The following PRICKLE2 variants were observed in gnomAD, a reference collection of about 807,000 sequenced individuals.
PRICKLE2 encodes the protein prickle-like protein 2.
Under a neutral mutation model 81.4 loss-of-function variants are expected in PRICKLE2, and 21 were observed. That is an observed-to-expected ratio of 0.26 (90% CI 0.18 to 0.37). The LOEUF is 0.37. Among genes scored for constraint, PRICKLE2 ranks in the 10% least tolerant of loss-of-function variants. PRICKLE2 has a pLI of 1.00. For missense variants in PRICKLE2, 940 were observed against 1,109.0 expected (o/e 0.85, Z 2.16); for synonymous variants, 456 against 421.5 (o/e 1.08, Z -1.00).
chr3:64,149,747 C>T (rs1416815151), intron 6 of PRICKLE2, among the ~76,000 whole-genome samples: 1 of 152,184 alleles, frequency 6.6e-6, no homozygotes, highest in African/African-American at 2.4e-5. Flanking sequence ...GCCTACCTTT[C>T]TCCTCCCTGA....
In PRICKLE2 at chr3:64,244,899, A is replaced by T. The variant is rs116720653; in HGVS notation, c.129-45932T>A. 1.4e-3 allele frequency among the ~76,000 whole-genome samples: 216 copies of T among 152,296 alleles called. 1 individual carries two copies. Among genetic ancestry groups the T allele is most frequent in the African/African-American group, 4.9e-3 (205 of 41,554 alleles). On this transcript the variant is annotated intron_variant, in intron 2 of 8. Coordinates refer to the PRICKLE2 transcript ENST00000295902. Reference sequence around the variant, plus strand: ...TGGTTCTCAACCAGTATGTCATAGCACACATGAATATACCCCGAATATTTC... The same window carrying T: ...TGGTTCTCAACCAGTATGTCATAGCTCACATGAATATACCCCGAATATTTC...
chr3:64,223,034 G>A (rs1468546499), intron 1 of PRICKLE2, among the ~76,000 whole-genome samples: 2 of 152,124 alleles, frequency 1.3e-5, no homozygotes, highest in Non-Finnish European at 2.9e-5. Flanking sequence ...CAATCAATAG[G>A]GTGGAAAGTT....
chr3:64,257,926 C>T (rs1196830980), intron 2 of PRICKLE2, among the ~76,000 whole-genome samples: 1 of 152,014 alleles, frequency 6.6e-6, no homozygotes, highest in Non-Finnish European at 1.5e-5. Flanking sequence ...AAAAGAGACC[C>T]CAAAGTGCTA....
chr3:64,247,223 T>C (rs2079371315), intron 2 of PRICKLE2, among the ~76,000 whole-genome samples: 1 of 152,128 alleles, frequency 6.6e-6, no homozygotes, highest in African/African-American at 2.4e-5. Context: ...ATATATATCA[T>C]ACTTTTTCCC....
intron 3 of PRICKLE2, among the ~76,000 whole-genome samples, chr3:64,161,864 AT>A (rs1168366857): frequency 4.6e-5 from 7 of 152,106 alleles, no homozygotes; most frequent in African/African-American, 1.7e-4. Context: ...AAAAACCCGC[AT>A]TTTCACTTCC....
chr3:64,198,626 C>T (rs1450881349), intron 2 of PRICKLE2, 158 bp downstream of exon 2: 9 of 740,716 alleles, frequency 1.2e-5, no homozygotes, highest in Middle Eastern at 3.6e-4. Context: ...TTCCCTTCCT[C>T]ATTTTCCACT....
intron 2 of PRICKLE2, among the ~76,000 whole-genome samples, chr3:64,243,025 A>G (rs1197002366): frequency 6.6e-6 from 1 of 152,258 alleles, no homozygotes; most frequent in Non-Finnish European, 1.5e-5. Context: ...ACAGAAAGTG[A>G]GAGAGCAGGG....
intron 2 of PRICKLE2, among the ~76,000 whole-genome samples, chr3:64,184,941 AT>A (rs1220056079): frequency 6.6e-6 from 1 of 152,210 alleles, no homozygotes. Context: ...CACACGTAGA[AT>A]TGCCAAGTGG....
At chr3:64,258,442 T>C (rs864089) in intron 2 of PRICKLE2, among the ~76,000 whole-genome samples, 33,278 of 152,002 alleles carry the variant, frequency 0.22, 4,147 homozygotes, top group African/African-American at 0.35. Context: ...AAACAGAATG[T>C]TGAGTGAAGG....
chr3:64,158,605 C>CA (rs2077677362), intron 4 of PRICKLE2, among the ~76,000 whole-genome samples: 1 of 152,158 alleles, frequency 6.6e-6, no homozygotes, highest in Non-Finnish European at 1.5e-5. Context: ...ACAAAATGCC[C>CA]AACCTTCCTT....
intron 1 of PRICKLE2, among the ~76,000 whole-genome samples, chr3:64,206,984 C>T (rs1241778213): frequency 1.3e-5 from 2 of 152,194 alleles, no homozygotes; most frequent in Admixed American, 6.5e-5. Context: ...ACTGCAGCCT[C>T]GACCTCCTGG....
intron 2 of PRICKLE2, among the ~76,000 whole-genome samples, chr3:64,250,762 A>G (rs2079435754): frequency 6.6e-6 from 1 of 152,164 alleles, no homozygotes; most frequent in Non-Finnish European, 1.5e-5. Flanking sequence ...TTCCCTTCCT[A>G]GCACAGAGTG....
At chr3:64,112,556 A>G (rs775347749) in intron 7 of PRICKLE2, among the ~76,000 whole-genome samples, 11 of 152,234 alleles carry the variant, frequency 7.2e-5, no homozygotes, top group East Asian at 1.9e-4. Context: ...GGTGGGGATA[A>G]ATAAATGGAA....
intron 2 of PRICKLE2, among the ~76,000 whole-genome samples, chr3:64,176,329 T>C (rs2078021882): frequency 6.6e-6 from 1 of 152,256 alleles, no homozygotes; most frequent in African/African-American, 2.4e-5. Context: ...CTCTTTCTTA[T>C]GTGGAGTCCT....
intron 3 of PRICKLE2, among the ~76,000 whole-genome samples, chr3:64,161,222 C>G (rs1006010210): frequency 6.6e-5 from 10 of 152,308 alleles, no homozygotes; most frequent in South Asian, 6.2e-4. Flanking sequence ...TATAGTAACT[C>G]TCTCAATATG....
chr3:64,149,654 T>C (rs2077512281), intron 6 of PRICKLE2, among the ~76,000 whole-genome samples: 1 of 152,200 alleles, frequency 6.6e-6, no homozygotes, highest in South Asian at 2.1e-4. Context: ...GAAGAACTTC[T>C]GGAGACTTGT....
At position 64,166,501 on chromosome 3, in the gene PRICKLE2, AG is replaced by A. The variant is rs546786172; in HGVS notation, c.145-3373del. Among the ~76,000 whole-genome samples the A allele has an allele frequency of 3.9e-5, 6 of 152,304 alleles. No homozygotes were observed. In the East Asian group the frequency reaches 9.6e-4, roughly 24 times the overall value. ...AAAGACTGAATTCTGAAGTCAACAG[AG>A]GCAGTGACTACTCTTTGGGAACACA... On this transcript the variant is annotated intron_variant, in intron 2 of 7. Transcript: ENST00000638394.
chr3:64,168,773 A>C (rs1049411041), intron 2 of PRICKLE2, among the ~76,000 whole-genome samples: 2 of 152,228 alleles, frequency 1.3e-5, no homozygotes, highest in Non-Finnish European at 2.9e-5. Flanking sequence ...AATCATACCC[A>C]GATACAGTAG....
chr3:64,228,537 T>G (rs75807075), upstream of PRICKLE2, among the ~76,000 whole-genome samples: 24 of 57,158 alleles, frequency 4.2e-4, no homozygotes, highest in African/African-American at 2.1e-3. Flanking sequence ...TAATGAGGTG[T>G]TTTTTTTTTT....
Sources: allele counts gnomAD v4.1 joint callset (sites outside exome capture counted in the v4.1 genomes callset), GRCh38; gene constraint gnomAD v4.1.1; transcripts MANE v1.5; gene names NCBI Gene and HGNC (gene_info 2026-07-23, HGNC 2026-07-21).